The following LRP5 variants were observed in gnomAD, a reference collection of about 807,000 sequenced individuals.
The protein encoded by LRP5 is low-density lipoprotein receptor-related protein 5.
Under a neutral mutation model 154.1 loss-of-function variants are expected in LRP5, and 62 were observed. The observed-to-expected ratio is 0.40, with a 90% CI of 0.33 to 0.50. LRP5 has a LOEUF of 0.50. Ranked by LOEUF, LRP5 falls within the 20% of genes least tolerant of loss-of-function variation. LRP5 has a pLI of 0.55. For missense variants in LRP5, 1,915 were observed against 2,336.7 expected, an observed-to-expected ratio of 0.82 and a Z score of 3.72; for synonymous variants, 966 against 1,011.5, an observed-to-expected ratio of 0.96 and a Z score of 0.85.
chr11:68,335,588 A>G (rs2098605268), intron 1 of LRP5, among the ~76,000 whole-genome samples: 1 of 152,048 alleles, frequency 6.6e-6, no homozygotes, highest in South Asian at 2.1e-4. Context: ...TTTACTGTAT[A>G]TTGTTGATTC....
At chr11:68,313,735 C>T (rs1394138963) in intron 1 of LRP5, among the ~76,000 whole-genome samples, 1 of 152,266 alleles carries the variant, frequency 6.6e-6, no homozygotes, top group African/African-American at 2.4e-5. Flanking sequence ...CCAAGTGGCA[C>T]GGCCGCAAGT....
Position 68,386,570 on chromosome 11 carries a change from G to T in LRP5, c.1270G>T (p.Asp424Tyr). Residue 424 changes from aspartate to tyrosine, a missense_variant, in exon 6 of 23, where the codon GAC becomes TAC. Physicochemically the swap from Asp to Tyr is radical, Grantham distance 160 (BLOSUM62 -3). Around this residue, in one of 3 missense-constraint regions of LRP5, gnomAD observed 773 missense variants for 1,100.9 expected, o/e 0.70. Coordinates refer to ENST00000294304, the MANE Select transcript of LRP5 (RefSeq NM_002335.4). The surrounding 1 kb of genome is among the most constrained non-coding windows in gnomAD (Gnocchi z 7.9). ...CAACGACCCCGATGGCATCGCGGTC[G>T]ACTGGGTGGCCCGAAACCTCTACTG... ...EINDPDGIAV[D>Y]WVARNLYWTD... is the part of the protein sequence containing the mutation. The T allele has an allele frequency of 6.2e-7, 1 of 1,613,750 alleles. No individual in the cohort carries two copies. The highest frequency in any genetic ancestry group is 8.5e-7 in the Non-Finnish European group (1 of 1,179,954).
chr11:68,410,060 G>C lies in LRP5; in HGVS notation c.2238G>C (p.Arg746=). 2 of 1,614,060 alleles carry C rather than the reference G, an allele frequency of 1.2e-6. No individual in the cohort carries two copies. Among genetic ancestry groups the C allele is most frequent in the South Asian group, 1.1e-5 (1 of 91,076 alleles). The part of the protein sequence containing the change: ...DTGTNRIEVA[R]LDGQFRQVLV... ...GGACCAACAGAATCGAAGTGGCGCG[G>C]CTGGACGGGCAGTTCCGGCAAGTCC... Residue 746 remains arginine, a synonymous_variant, in exon 10 of 23, where the codon CGG becomes CGC. Transcript: ENST00000294304.
At chr11:68,385,613 G>A (rs775782939) in intron 5 of LRP5, among the ~76,000 whole-genome samples, 4 of 152,034 alleles carry the variant, frequency 2.6e-5, no homozygotes, top group Non-Finnish European at 5.9e-5. Flanking sequence ...TCAAGTGGTC[G>A]TGAAACTCTG....
intron 3 of LRP5, among the ~76,000 whole-genome samples, chr11:68,358,781 C>T (rs1199039073): frequency 2.6e-5 from 4 of 152,250 alleles, no homozygotes; most frequent in African/African-American, 9.6e-5. Flanking sequence ...ATAGAAACAT[C>T]CCTTCTGTGT....
At chr11:68,394,486 G>C (rs2098648101) in intron 7 of LRP5, among the ~76,000 whole-genome samples, 1 of 148,186 alleles carries the variant, frequency 6.7e-6, no homozygotes, top group African/African-American at 2.6e-5. Context: ...TTTTTTTTGA[G>C]GTGGAGTCTC....
chr11:68,406,356 T>G (rs2153164489), intron 8 of LRP5, among the ~76,000 whole-genome samples, 168 bp from the exon 9 acceptor site: 1 of 152,306 alleles, frequency 6.6e-6, no homozygotes, highest in Middle Eastern at 3.4e-3. Context: ...TTTGAGGGTT[T>G]AGCCTGGCCA....
chr11:68,439,606 G>T (rs925287424), intron 20 of LRP5, among the ~76,000 whole-genome samples, 171 bp from the exon 21 acceptor site: 2 of 152,204 alleles, frequency 1.3e-5, no homozygotes, highest in African/African-American at 4.8e-5. Flanking sequence ...GCTCACTCTA[G>T]TAGTGGCCAG....
In LRP5 at chr11:68,367,997, G is replaced by A. The variant is rs536910042; in HGVS notation, c.1015+2295G>A. Among the ~76,000 whole-genome samples the A allele has an allele frequency of 1.4e-4, 21 of 151,666 alleles. No individual in the cohort carries two copies. In the South Asian group the frequency reaches 3.6e-3, roughly 26 times the overall value. On this transcript the variant is annotated intron_variant, in intron 5 of 22. Transcript: ENST00000294304. ...GGAGAATTGCTTGAGCCTAGGAGGC[G>A]GAGGTTGCACTGAGCCAAGATCATG...
At position 68,438,204 on chromosome 11, in the gene LRP5, T is replaced by C. The variant is rs142425826; in HGVS notation, c.4112-242T>C. Among the ~76,000 whole-genome samples the C allele has an allele frequency of 2.0e-5, 3 of 152,214 alleles. No individual in the cohort carries two copies. The East Asian group carries it at 5.8e-4, about 30-fold the overall frequency. On this transcript the variant is annotated intron_variant, in intron 19 of 22. Transcript: ENST00000294304. ...GCCTTGGCAGGGATGTGTTGAGGGC[T>C]GTGGGGAGTCGGACAGCGGCGGGGG...
chr11:68,395,701 A>G (rs1305937302), intron 7 of LRP5, among the ~76,000 whole-genome samples: 2 of 152,058 alleles, frequency 1.3e-5, no homozygotes, highest in African/African-American at 4.8e-5. Flanking sequence ...GTGGATGCCC[A>G]GACCCGCCCT....
At chr11:68,402,971 C>T (rs534188223) in intron 7 of LRP5, among the ~76,000 whole-genome samples, 35 of 152,254 alleles carry the variant, frequency 2.3e-4, no homozygotes, top group Non-Finnish European at 4.9e-4. Context: ...CATGGCCGGG[C>T]GCGGTGGCTC....
intron 2 of LRP5, among the ~76,000 whole-genome samples, chr11:68,354,853 A>C (rs2098621850): frequency 6.6e-6 from 1 of 152,182 alleles, no homozygotes. Context: ...CACTAGATGC[A>C]CAGGAGACAG....
chr11:68,421,519 G>C (rs2153171879), intron 13 of LRP5, among the ~76,000 whole-genome samples: 1 of 152,328 alleles, frequency 6.6e-6, no homozygotes, highest in African/African-American at 2.4e-5. Context: ...TACCAGTCCA[G>C]GGTCCACAGC....
intron 13 of LRP5, among the ~76,000 whole-genome samples, chr11:68,418,237 T>C (rs1249088646): frequency 6.6e-6 from 1 of 152,042 alleles, no homozygotes; most frequent in Non-Finnish European, 1.5e-5. Context: ...AAACCCCATC[T>C]CTACTAAATA....
intron 16 of LRP5, among the ~76,000 whole-genome samples, chr11:68,428,668 T>G (rs752764363): frequency 2.6e-5 from 4 of 151,260 alleles, no homozygotes; most frequent in African/African-American, 4.9e-5. Context: ...TGACCTCGTC[T>G]TGAGATCCTT....
intron 1 of LRP5, among the ~76,000 whole-genome samples, chr11:68,344,450 C>T (rs1216089924): frequency 6.8e-6 from 1 of 146,672 alleles, no homozygotes; most frequent in Non-Finnish European, 1.5e-5. Flanking sequence ...TCCTGACTAG[C>T]AGGGGTTACA....
At chr11:68,346,533 A>G (rs1175388812) in intron 1 of LRP5, among the ~76,000 whole-genome samples, 1 of 152,076 alleles carries the variant, frequency 6.6e-6, no homozygotes, top group Non-Finnish European at 1.5e-5. Context: ...AATGAAACCA[A>G]CTGAACTAAC....
chr11:68,438,252 C>T (rs1001767467), intron 19 of LRP5, among the ~76,000 whole-genome samples, 194 bp from the exon 20 acceptor site: 2 of 152,150 alleles, frequency 1.3e-5, no homozygotes, highest in South Asian at 2.1e-4. Context: ...GAGGGTGCAC[C>T]GTGCAGGCTG....
Sources: gnomAD v4.1 joint callset for allele counts (sites outside exome capture counted in the v4.1 genomes callset) on GRCh38, gnomAD v4.1.1 for gene constraint, gnomAD v4.1.1 regional missense constraint, Gnocchi (gnomAD v3.1) non-coding constraint, MANE v1.5 for transcripts, NCBI Gene and HGNC (gene_info 2026-07-23, HGNC 2026-07-21) for gene names.